The following TAB2 variants were observed in gnomAD, a reference collection of about 807,000 sequenced individuals.
TAB2 encodes the protein TGF-beta-activated kinase 1 and MAP3K7-binding protein 2.
In TAB2, 3 loss-of-function variants were observed where a neutral mutation model predicts 65.0. The observed-to-expected ratio is 0.05, with a 90% CI of 0.02 to 0.12. TAB2 has a LOEUF of 0.12. TAB2 is among the 10% of genes least tolerant of loss of function. TAB2 has a pLI of 1.00. For synonymous variants in TAB2, 298 were observed against 285.1 expected (o/e 1.05, Z -0.46); for missense variants, 623 against 840.3 (o/e 0.74, Z 3.20).
chr6:149,293,829 T>C (rs186554067), intron 1 of TAB2, among the ~76,000 whole-genome samples: 3 of 152,350 alleles, frequency 2.0e-5, no homozygotes, highest in Non-Finnish European at 4.4e-5. Context: ...TAGAAGCAGC[T>C]ATTCTGCTAT....
intron 5 of TAB2, 22 bp from the exon 6 acceptor site, chr6:149,399,082 A>G: frequency 6.3e-7 from 1 of 1,589,950 alleles, no homozygotes; most frequent in South Asian, 1.1e-5. Flanking sequence ...GCATTGATAT[A>G]TTTACTTTTT....
chr6:149,248,428 A>AAGG lies in TAB2; in HGVS notation c.-121+29653_-121+29654insGGA, dbSNP rs59251653. 3.8e-3 allele frequency among the ~76,000 whole-genome samples: 440 copies of AAGG among 117,280 alleles called. 5 individuals are homozygous for AAGG. Among genetic ancestry groups the AAGG allele is most frequent in the African/African-American group, 0.011 (269 of 24,474 alleles). 76.9% of individuals were successfully genotyped at this position (117,280 alleles called of 152,430 possible). Reference sequence around the variant, plus strand: ...GACAGAGAGGGAAAGAAAAAGAAAGAAAGGAAGGAAGGAAGGAAGGAAGAA... The same window carrying AAGG: ...GACAGAGAGGGAAAGAAAAAGAAAGAAGGAAGGAAGGAAGGAAGGAAGGAAGAA... On this transcript the variant is annotated intron_variant, in intron 1 of 1. Transcript: ENST00000606202.
chr6:149,337,372 CTG>C (rs1156283389), intron 1 of TAB2, among the ~76,000 whole-genome samples: 1 of 152,156 alleles, frequency 6.6e-6, no homozygotes, highest in African/African-American at 2.4e-5. Context: ...GAGGGGGACT[CTG>C]TAGCTTTCTC....
chr6:149,256,334 C>G (rs1330126309), intron 1 of TAB2, among the ~76,000 whole-genome samples: 1 of 152,074 alleles, frequency 6.6e-6, no homozygotes, highest in East Asian at 1.9e-4. Context: ...TGTATACTTG[C>G]ATATAGAATT....
rs1782788530 is a variant in TAB2, at chr6:149,409,833, A to G, written c.*114A>G. ...ATTTTGTCAAATTGAAGGTGTGACA[A>G]GATGGTGTTCTGCTAATGTTAAATG... On this transcript the variant is annotated 3_prime_UTR_variant, in exon 7 of 7. Coordinates refer to ENST00000637181, the MANE Select transcript of TAB2 (RefSeq NM_001292034.3). 8.2e-7 allele frequency: 1 copy of G among 1,215,732 alleles called. No individual in the cohort carries two copies. The highest frequency in any genetic ancestry group is 1.5e-5 in the African/African-American group (1 of 67,152). The allele number at this position is 1,215,732 out of a possible 1,614,324, so 75.3% of individuals were successfully genotyped here.
In TAB2 at chr6:149,252,400, C is replaced by CAAA. The variant is rs10700931; in HGVS notation, c.-121+33641_-121+33643dup. ...GGGCAACAAGAGCAAAACTCTGCCT[C>CAAA]AAAAAAAAAAAAAAAAAAAGAGGGC... On this transcript the variant is annotated intron_variant, in intron 1 of 1. Coordinates refer to the TAB2 transcript ENST00000606202. 6.7e-4 allele frequency among the ~76,000 whole-genome samples: 62 copies of CAAA among 92,830 alleles called. 1 individual carries two copies. The highest frequency in any genetic ancestry group is 2.1e-3 in the African/African-American group (55 of 26,490). The allele number at this position is 92,830 out of a possible 152,430, so 60.9% of individuals were successfully genotyped here. A position where few individuals can be genotyped will look rare whatever the true frequency, so the allele number is the denominator to read the frequency against.
At chr6:149,334,596 G>A (rs1422021775) in intron 1 of TAB2, among the ~76,000 whole-genome samples, 1 of 151,858 alleles carries the variant, frequency 6.6e-6, no homozygotes, top group Non-Finnish European at 1.5e-5. Context: ...AGGATCACTT[G>A]AGCCCAGGAG....
chr6:149,401,448 T>C (rs2114954882), intron 6 of TAB2, among the ~76,000 whole-genome samples: 1 of 152,128 alleles, frequency 6.6e-6, no homozygotes, highest in African/African-American at 2.4e-5. Flanking sequence ...TTTTTAAGTC[T>C]AAAACTTGAG....
intron 1 of TAB2, among the ~76,000 whole-genome samples, chr6:149,318,404 G>A (rs981371776): frequency 2.0e-5 from 3 of 152,002 alleles, no homozygotes; most frequent in African/African-American, 7.2e-5. Flanking sequence ...GTGTGAGGTG[G>A]GGGCGGGGGA....
chr6:149,287,213 T>A (rs11965411), intron 1 of TAB2, among the ~76,000 whole-genome samples: 30,448 of 152,170 alleles, frequency 0.2, 3,254 homozygotes, highest in East Asian at 0.43. Context: ...AGCAAAACAA[T>A]ATATTGACAT....
At chr6:149,354,073 G>A (rs1394987778) in intron 1 of TAB2, among the ~76,000 whole-genome samples, 1 of 152,100 alleles carries the variant, frequency 6.6e-6, no homozygotes, top group Non-Finnish European at 1.5e-5. Context: ...GTCCTTTACT[G>A]GATATTGGTT....
At chr6:149,257,859 G>C (rs754416248) in intron 1 of TAB2, among the ~76,000 whole-genome samples, 2 of 152,122 alleles carry the variant, frequency 1.3e-5, no homozygotes, top group African/African-American at 2.4e-5. Flanking sequence ...CTAAGAAAGA[G>C]CACTGGCTCC....
At chr6:149,375,771 TG>T (rs1236535503) in intron 2 of TAB2, among the ~76,000 whole-genome samples, 1 of 152,170 alleles carries the variant, frequency 6.6e-6, no homozygotes, top group Non-Finnish European at 1.5e-5. Context: ...TGATAAAGAT[TG>T]TGATCAGTTT....
At chr6:149,264,394 TC>T (rs1482430731) in intron 1 of TAB2, among the ~76,000 whole-genome samples, 4 of 152,218 alleles carry the variant, frequency 2.6e-5, no homozygotes, top group Non-Finnish European at 5.9e-5. Context: ...CAAGACCTCC[TC>T]CCTCGGAGGC....
intron 6 of TAB2, chr6:149,400,408 C>T: frequency 6.2e-7 from 1 of 1,614,190 alleles, no homozygotes; most frequent in South Asian, 1.1e-5. Flanking sequence ...AACGAAAAGC[C>T]CACAGAAGAA....
Position 149,399,513 on chromosome 6 carries a change from A to G in TAB2, c.1939+329A>G, listed in dbSNP as rs897987128. Among the ~76,000 whole-genome samples the G allele has an allele frequency of 3.4e-5, 5 of 148,020 alleles. No homozygotes were observed. In the Admixed American group the frequency reaches 3.4e-4, roughly 10 times the overall value. On this transcript the variant is annotated intron_variant, in intron 6 of 6. Transcript: ENST00000637181. ...TAAAACTTTAGACAAATGATAAGGA[A>G]GATACCTTAGGGAAGTTCCCCCCCC... is the stretch of plus-strand genomic sequence containing the variant.
At chr6:149,405,801 A>G (rs1416329637) in intron 6 of TAB2, among the ~76,000 whole-genome samples, 4 of 152,272 alleles carry the variant, frequency 2.6e-5, no homozygotes, top group Non-Finnish European at 5.9e-5. Flanking sequence ...ATATAAGATA[A>G]ATAAACTCTG....
chr6:149,250,841 T>G (rs933186986), intron 1 of TAB2, among the ~76,000 whole-genome samples: 1 of 152,192 alleles, frequency 6.6e-6, no homozygotes, highest in African/African-American at 2.4e-5. Context: ...TACCTTGCAT[T>G]ATGAAAATCA....
chr6:149,247,875 A>T (rs1283745175), intron 1 of TAB2: 1 of 152,218 alleles, frequency 6.6e-6, no homozygotes, highest in Non-Finnish European at 1.5e-5. Context: ...CCGCTGGGAT[A>T]CAGGGAGGAG....
Sources: allele counts gnomAD v4.1 joint callset (sites outside exome capture counted in the v4.1 genomes callset), GRCh38; gene constraint gnomAD v4.1.1; transcripts MANE v1.5; gene names NCBI Gene and HGNC (gene_info 2026-07-23, HGNC 2026-07-21).